ARHGAP24: variants seen among roughly 807,000 people sequenced by gnomAD.
ARHGAP24 encodes rho GTPase-activating protein 24.
ARHGAP24 carries 50 observed loss-of-function variants against 76.4 expected under a neutral mutation model. The observed-to-expected ratio is 0.65, with a 90% confidence interval of 0.52 to 0.83. The LOEUF is 0.83. Among genes scored for constraint, ARHGAP24 ranks in the 40% least tolerant of loss-of-function variants. The pLI, the probability that ARHGAP24 is intolerant of heterozygous loss-of-function variation, is 0.00. For missense variants in ARHGAP24, 930 were observed against 914.2 expected (o/e 1.02, Z -0.22); for synonymous variants, 345 against 323.3 (o/e 1.07, Z -0.72).
At chr4:85,763,617 G>C (rs1420869343) in intron 3 of ARHGAP24, among the ~76,000 whole-genome samples, 1 of 151,946 alleles carries the variant, frequency 6.6e-6, no homozygotes, top group African/African-American at 2.4e-5. Flanking sequence ...TTTATTTTTT[G>C]GTTTGTTTCT....
chr4:85,757,262 A>G (rs1469820407), intron 3 of ARHGAP24, among the ~76,000 whole-genome samples: 3 of 149,904 alleles, frequency 2.0e-5, no homozygotes, highest in African/African-American at 7.4e-5. Context: ...ACATGTGCAG[A>G]ACATGCAGGT....
intron 2 of ARHGAP24, among the ~76,000 whole-genome samples, chr4:85,601,133 C>T (rs909959881): frequency 6.6e-6 from 1 of 151,964 alleles, no homozygotes. Context: ...CTTTTATTCA[C>T]GTCTATATTT....
chr4:85,674,160 G>A (rs185432103), intron 2 of ARHGAP24, among the ~76,000 whole-genome samples: 44 of 152,200 alleles, frequency 2.9e-4, no homozygotes, highest in Admixed American at 5.9e-4. Flanking sequence ...GTAGATCTGC[G>A]GTGGGGCCCA....
chr4:85,513,472 G>A (rs1490238341), intron 1 of ARHGAP24, among the ~76,000 whole-genome samples: 2 of 152,018 alleles, frequency 1.3e-5, no homozygotes, highest in East Asian at 3.9e-4. Flanking sequence ...GGACATCTAG[G>A]AAGAAATATT....
At position 85,532,736 on chromosome 4, in the gene ARHGAP24, T is replaced by G. The variant is rs113156869; in HGVS notation, c.-20-37786T>G. Among the ~76,000 whole-genome samples the G allele has an allele frequency of 9.6e-3, 1,469 of 152,312 alleles. 13 individuals are homozygous for G. The highest frequency in any genetic ancestry group is 0.019 in the East Asian group (96 of 5,186). The stretch of plus-strand genomic sequence containing the variant: ...TTACCATGCACATTCTGCCATTTCA[T>G]GATCTTGCTGCATGAAAACAAACTC... On this transcript the variant is annotated intron_variant, in intron 1 of 9. Coordinates refer to ENST00000395184, the MANE Select transcript of ARHGAP24 (RefSeq NM_001025616.3).
At chr4:85,676,445 C>T (rs552542061) in intron 2 of ARHGAP24, among the ~76,000 whole-genome samples, 42 of 152,232 alleles carry the variant, frequency 2.8e-4, no homozygotes, top group African/African-American at 9.6e-4. Flanking sequence ...CAAGCTCCCC[C>T]GGAAACTGTA....
intron 2 of ARHGAP24, among the ~76,000 whole-genome samples, chr4:85,622,221 A>G (rs1426536604): frequency 6.7e-6 from 1 of 148,580 alleles, no homozygotes; most frequent in African/African-American, 2.5e-5. Flanking sequence ...AGCATTAGGT[A>G]TATCTCCTAA....
At chr4:85,942,889 G>C (rs1448966976) in intron 5 of ARHGAP24, among the ~76,000 whole-genome samples, 2 of 151,876 alleles carry the variant, frequency 1.3e-5, no homozygotes, top group Non-Finnish European at 2.9e-5. Context: ...TGAAAGCTTA[G>C]TAGAAAAAAT....
intron 3 of ARHGAP24, among the ~76,000 whole-genome samples, chr4:85,788,316 C>T (rs1727951617): frequency 1.3e-5 from 2 of 152,132 alleles, no homozygotes; most frequent in Admixed American, 6.5e-5. Flanking sequence ...TCTTATACAC[C>T]TGGTTTTATA....
intron 3 of ARHGAP24, among the ~76,000 whole-genome samples, chr4:85,725,414 C>G (rs930402025): frequency 1.3e-5 from 2 of 152,214 alleles, no homozygotes; most frequent in African/African-American, 4.8e-5. Context: ...CCTTTTCTCC[C>G]CTGTTCCCGC....
intron 1 of ARHGAP24, among the ~76,000 whole-genome samples, chr4:85,552,124 T>C (rs917699818): frequency 2.0e-5 from 3 of 152,180 alleles, no homozygotes; most frequent in Admixed American, 2.0e-4. Flanking sequence ...AGGTTGTTAA[T>C]TTGAGATCTT....
At position 85,655,848 on chromosome 4, in the gene ARHGAP24, G is replaced by GAGAC. The variant is rs1553920553; in HGVS notation, c.181-66034_181-66033insCAGA. On this transcript the variant is annotated intron_variant, in intron 2 of 9. Coordinates refer to ENST00000395184, the MANE Select transcript of ARHGAP24 (RefSeq NM_001025616.3). ...AGAGAGAGAGAGAGAGAGAGAGACA[G>GAGAC]AGAGGAAGTTTGGTTAGACTGTGCC... 4.1e-3 allele frequency among the ~76,000 whole-genome samples: 275 copies of GAGAC among 67,408 alleles called. 9 individuals carry two copies. Among genetic ancestry groups the GAGAC allele is most frequent in the East Asian group, 0.018 (5 of 282 alleles). 44.2% of individuals were successfully genotyped at this position (67,408 alleles called of 152,430 possible).
chr4:85,996,278 G>A (rs952476764), intron 9 of ARHGAP24, among the ~76,000 whole-genome samples: 1 of 152,118 alleles, frequency 6.6e-6, no homozygotes, highest in African/African-American at 2.4e-5. Context: ...TTGAGAAGAG[G>A]GGTGACGTGA....
intron 2 of ARHGAP24, among the ~76,000 whole-genome samples, chr4:85,588,427 T>G (rs1727949389): frequency 6.6e-6 from 1 of 152,192 alleles, no homozygotes; most frequent in Non-Finnish European, 1.5e-5. Flanking sequence ...GGGTGGAAAT[T>G]AGTGGCTTTC....
At chr4:85,548,496 A>G (rs1726003140) in intron 1 of ARHGAP24, among the ~76,000 whole-genome samples, 1 of 152,114 alleles carries the variant, frequency 6.6e-6, no homozygotes, top group African/African-American at 2.4e-5. Context: ...TAATTTTCTC[A>G]TTTGTAACTC....
At chr4:85,866,153 A>G (rs1732186538) in intron 3 of ARHGAP24, among the ~76,000 whole-genome samples, 1 of 152,150 alleles carries the variant, frequency 6.6e-6, no homozygotes, top group South Asian at 2.1e-4. Flanking sequence ...CATATTTTAC[A>G]TTTAAGTATA....
intron 3 of ARHGAP24, among the ~76,000 whole-genome samples, chr4:85,896,953 T>TA: frequency 6.6e-6 from 1 of 152,332 alleles, no homozygotes; most frequent in Non-Finnish European, 1.5e-5. Context: ...GAGTTTGGTT[T>TA]AAAAAATCTC....
intron 3 of ARHGAP24, among the ~76,000 whole-genome samples, chr4:85,916,722 A>T (rs1284441697): frequency 6.6e-6 from 1 of 152,176 alleles, no homozygotes; most frequent in South Asian, 2.1e-4. Context: ...GTATTCACTG[A>T]AATGTCCTCA....
chr4:85,749,397 A>G (rs1030415322), intron 3 of ARHGAP24, among the ~76,000 whole-genome samples: 1 of 152,236 alleles, frequency 6.6e-6, no homozygotes, highest in African/African-American at 2.4e-5. Context: ...CTAGACTTCT[A>G]TATGTCTGAA....
Sources: gnomAD v4.1 joint callset for allele counts (sites outside exome capture counted in the v4.1 genomes callset) on GRCh38, gnomAD v4.1.1 for gene constraint, MANE v1.5 for transcripts, NCBI Gene and HGNC (gene_info 2026-07-23, HGNC 2026-07-21) for gene names.